ATP11A: variants seen among roughly 807,000 people sequenced by gnomAD.
ATP11A encodes the protein ATPase phospholipid transporting 11A.
A neutral mutation model predicts 154.4 loss-of-function variants in ATP11A; 81 were observed. The ratio of observed to expected loss-of-function variants is 0.52; its 90% CI spans 0.44 to 0.63. The LOEUF (loss-of-function observed/expected upper bound fraction) is 0.63. Ranked by LOEUF, ATP11A falls within the 30% of genes least tolerant of loss-of-function variation. ATP11A has a pLI of 0.00. For missense variants in ATP11A, 1,316 were observed against 1,474.3 expected (o/e 0.89, Z 1.76); for synonymous variants, 623 against 585.9 (o/e 1.06, Z -0.91).
At chr13:112,880,492 C>T in intron 29 of ATP11A, 1 of 1,270,034 alleles carries the variant, frequency 7.9e-7, no homozygotes, top group Non-Finnish European at 1.0e-6. Context: ...GGCCCGAGCA[C>T]TCCTGGTGGC....
Position 112,883,170 on chromosome 13 carries a change from C to CGTCCCCAT in ATP11A, c.*1312_*1319dup. 1 of 398,558 alleles carries CGTCCCCAT rather than the reference C, an allele frequency of 2.5e-6. No individual in the cohort carries two copies. Among genetic ancestry groups the CGTCCCCAT allele is most frequent in the Non-Finnish European group, 4.4e-6 (1 of 226,098 alleles). 24.7% of individuals were successfully genotyped at this position (398,558 alleles called of 1,614,324 possible). A position where few individuals can be genotyped will look rare whatever the true frequency, so the allele number is the denominator to read the frequency against. On this transcript the variant is annotated 3_prime_UTR_variant, in exon 30 of 30. Coordinates refer to ENST00000375645, the MANE Select transcript of ATP11A (RefSeq NM_015205.3). ...CCCTTGTCCCGTCCCCACATACCCTCGTCCCCATGTCCCCACGCAGGGCTC... is the reference window on the plus strand; with the variant it reads ...CCCTTGTCCCGTCCCCACATACCCTCGTCCCCATGTCCCCATGTCCCCACGCAGGGCTC...
At chr13:112,881,205 T>A (rs946440055) in intron 29 of ATP11A, 1 of 989,696 alleles carries the variant, frequency 1.0e-6, no homozygotes, top group South Asian at 4.6e-5. Flanking sequence ...GACAGATGCG[T>A]GCTGCCGGCC....
chr13:112,816,651 T>A (rs1340284993), intron 6 of ATP11A, among the ~76,000 whole-genome samples: 2 of 152,218 alleles, frequency 1.3e-5, no homozygotes, highest in African/African-American at 4.8e-5. Context: ...TTGTCCGCTC[T>A]AGTCCTCGTG....
intron 2 of ATP11A, among the ~76,000 whole-genome samples, chr13:112,789,695 C>A (rs977110011): frequency 1.3e-5 from 2 of 150,856 alleles, no homozygotes; most frequent in South Asian, 4.2e-4. Context: ...GACGTGTAGA[C>A]CCCTGTGGAG....
intron 3 of ATP11A, among the ~76,000 whole-genome samples, chr13:112,805,501 C>A (rs927644150): frequency 3.9e-5 from 6 of 151,986 alleles, no homozygotes; most frequent in African/African-American, 1.2e-4. Context: ...CATGGCTAAA[C>A]CCTGTCTCTA....
At chr13:112,741,832 C>T (rs1891584155) in intron 1 of ATP11A, among the ~76,000 whole-genome samples, 1 of 152,124 alleles carries the variant, frequency 6.6e-6, no homozygotes, top group Non-Finnish European at 1.5e-5. Context: ...TGTTCCGGGT[C>T]CAGGGGAGTA....
At chr13:112,716,044 T>C (rs74115452) in intron 1 of ATP11A, among the ~76,000 whole-genome samples, 5,665 of 151,494 alleles carry the variant, frequency 0.037, 370 homozygotes, top group African/African-American at 0.13. Flanking sequence ...TGGGGGTGGC[T>C]CCTGCCTGGA....
At chr13:112,825,678 G>A in intron 11 of ATP11A, 98 bp downstream of exon 11, 1 of 1,391,724 alleles carries the variant, frequency 7.2e-7, no homozygotes, top group East Asian at 2.4e-5. Context: ...ATTTACTGTA[G>A]GCAAAAAGCA....
chr13:112,803,068 G>A (rs1015823097), intron 2 of ATP11A, among the ~76,000 whole-genome samples: 1 of 152,144 alleles, frequency 6.6e-6, no homozygotes, highest in African/African-American at 2.4e-5. Context: ...GTCATGAACT[G>A]GGGGGAGCCA....
At chr13:112,784,822 C>T (rs908575750) in intron 1 of ATP11A, among the ~76,000 whole-genome samples, 1 of 152,228 alleles carries the variant, frequency 6.6e-6, no homozygotes, top group Non-Finnish European at 1.5e-5. Context: ...CGCGCCCGGC[C>T]GCGTTCTGTT....
intron 20 of ATP11A, among the ~76,000 whole-genome samples, chr13:112,857,543 A>G (rs2079965096): frequency 6.6e-6 from 1 of 152,180 alleles, no homozygotes; most frequent in African/African-American, 2.4e-5. Flanking sequence ...TATATCTCAC[A>G]TCTCTACTGC....
chr13:112,856,040 C>G lies in ATP11A; in HGVS notation c.2373C>G (p.Cys791Trp). The G allele has an allele frequency of 1.2e-6, 2 of 1,614,008 alleles. No homozygotes were observed. The highest frequency in any genetic ancestry group is 1.7e-6 in the Non-Finnish European group (2 of 1,180,018). The change falls in exon 20 of 30, where the codon TGC becomes TGG. Residue 791 changes from cysteine (C) to tryptophan (W), a missense_variant. Coordinates refer to ENST00000375645, the MANE Select transcript of ATP11A (RefSeq NM_015205.3). ...RELFLEICRS[C>W]SAVLCCRMAP... ...TCTTCCTGGAAATCTGCCGGAGCTG[C>G]AGCGCGGTGCTCTGCTGCCGCATGG...
intron 1 of ATP11A, among the ~76,000 whole-genome samples, chr13:112,781,091 A>C (rs1205085656): frequency 6.6e-6 from 1 of 152,064 alleles, no homozygotes; most frequent in African/African-American, 2.4e-5. Flanking sequence ...TCCAGGCTGG[A>C]GAGCAGAGGC....
chr13:112,817,284 G>C (rs1222795325), intron 6 of ATP11A, among the ~76,000 whole-genome samples: 1 of 152,212 alleles, frequency 6.6e-6, no homozygotes, highest in Non-Finnish European at 1.5e-5. Context: ...CTATGAGATA[G>C]AGACATTTTC....
intron 19 of ATP11A, 24 bp downstream of exon 19, chr13:112,854,554 AC>A: frequency 1.9e-6 from 3 of 1,563,536 alleles, no homozygotes; most frequent in African/African-American, 1.4e-5. Flanking sequence ...CCCCGCCCCC[AC>A]CCCCACACTC....
At chr13:112,768,955 G>A (rs2077162914) in intron 1 of ATP11A, among the ~76,000 whole-genome samples, 1 of 152,176 alleles carries the variant, frequency 6.6e-6, no homozygotes, top group East Asian at 1.9e-4. Context: ...GTTCACTTGC[G>A]GGCAGTGGAG....
chr13:112,873,727 A>AT (rs920922015), intron 27 of ATP11A, 51 bp downstream of exon 27: 1 of 1,548,664 alleles, frequency 6.5e-7, no homozygotes, highest in African/African-American at 1.4e-5. Context: ...TGTGGTTGTT[A>AT]TTTTTTTATC....
chr13:112,768,343 C>T (rs1232108444), intron 1 of ATP11A, among the ~76,000 whole-genome samples: 2 of 152,208 alleles, frequency 1.3e-5, no homozygotes, highest in Non-Finnish European at 2.9e-5. Context: ...GTGGGGCAAC[C>T]TCAGCCTCTC....
chr13:112,791,289 C>T (rs984161267), intron 2 of ATP11A, among the ~76,000 whole-genome samples: 6 of 152,242 alleles, frequency 3.9e-5, no homozygotes, highest in Non-Finnish European at 8.8e-5. Flanking sequence ...AACCGCGGCG[C>T]CCCCTGCACA....
Sources: allele counts gnomAD v4.1 joint callset (sites outside exome capture counted in the v4.1 genomes callset), GRCh38; gene constraint gnomAD v4.1.1; transcripts MANE v1.5; gene names NCBI Gene and HGNC (gene_info 2026-07-23, HGNC 2026-07-21).